Variants in CYP20A1 observed in about 807,000 individuals in gnomAD.
CYP20A1 encodes cytochrome P450 family 20 subfamily A member 1.
In CYP20A1, 61 loss-of-function variants were observed where a neutral mutation model predicts 61.4. That is an observed-to-expected ratio of 0.99 (90% confidence interval 0.81 to 1.23). The LOEUF (loss-of-function observed/expected upper bound fraction) is 1.23. Among genes scored for constraint, CYP20A1 ranks in the 50% most tolerant of loss-of-function variants. The probability of loss-of-function intolerance (pLI) is 0.00; values close to 1 mark genes in which losing one functional copy is unlikely to be tolerated. For synonymous variants in CYP20A1, 193 were observed against 188.2 expected, an observed-to-expected ratio of 1.03 and a Z score of -0.21; for missense variants, 530 against 542.4, an observed-to-expected ratio of 0.98 and a Z score of 0.23.
intron 4 of CYP20A1, among the ~76,000 whole-genome samples, chr2:203,261,971 T>TA (rs2067155318): frequency 6.6e-6 from 1 of 152,024 alleles, no homozygotes; most frequent in South Asian, 2.1e-4. Flanking sequence ...GGACATCTCT[T>TA]ACAAAAGCAT....
intron 5 of CYP20A1, among the ~76,000 whole-genome samples, chr2:203,267,697 T>G (rs2067385773): frequency 6.7e-6 from 1 of 149,040 alleles, no homozygotes; most frequent in Non-Finnish European, 1.5e-5. Context: ...TACAAAAATT[T>G]GCTGGGCGTG....
rs546229378 is a variant in CYP20A1 at position 203,300,407 on chromosome 2, A to G, written c.*3499A>G. Among the ~76,000 whole-genome samples the G allele has an allele frequency of 1.3e-5, 2 of 152,306 alleles. No individual in the cohort carries two copies. The highest frequency in any genetic ancestry group is 4.1e-4 in the South Asian group (2 of 4,826). On this transcript the variant is annotated 3_prime_UTR_variant, in exon 13 of 13. Transcript: ENST00000356079. The stretch of plus-strand genomic sequence containing the variant: ...TTCTTTGTACTTATCAAGTGACTCA[A>G]ATTTTGGCCACTTCACTGTCACTGA...
At position 203,280,300 on chromosome 2, in the gene CYP20A1, G is replaced by A. The variant is rs377097995; in HGVS notation, c.850+187G>A. ...AAAAATAAGTTAACTGAGCATGATG[G>A]CCCGTGCCTGTAGTCTCAGCTGCTC... On this transcript the variant is annotated intron_variant, in intron 8 of 12. Transcript: ENST00000356079. Among the ~76,000 whole-genome samples the A allele has an allele frequency of 2.4e-4, 36 of 152,236 alleles. No individual in the cohort carries two copies. The South Asian group carries it at 7.0e-3, about 30-fold the overall frequency.
intron 5 of CYP20A1, among the ~76,000 whole-genome samples, chr2:203,270,739 T>C (rs1044250445): frequency 1.4e-5 from 2 of 146,620 alleles, no homozygotes; most frequent in African/African-American, 5.0e-5. Flanking sequence ...TTTTTTTCTT[T>C]TTTTTTTTTT....
chr2:203,265,525 G>T (rs1321821837), intron 4 of CYP20A1, among the ~76,000 whole-genome samples: 2 of 152,010 alleles, frequency 1.3e-5, no homozygotes, highest in Non-Finnish European at 2.9e-5. Context: ...TTCATTTTCT[G>T]TGTCTTTCTT....
rs145551810 is a variant in CYP20A1, at chr2:203,296,883, G to C, written c.1364G>C (p.Trp455Ser). ...ELVTSSREEA[W>S]ITVSKRY Reference sequence around the variant, plus strand: ...GTAACATCATCAAGGGAAGAAGCTTGGATCACTGTCTCAAAGAGATATTAA... The same window carrying C: ...GTAACATCATCAAGGGAAGAAGCTTCGATCACTGTCTCAAAGAGATATTAA... The change falls in exon 13 of 13, where the codon TGG (tryptophan) becomes TCG (serine). Residue 455 changes from tryptophan to serine, a missense_variant. Physicochemically the swap from Trp to Ser is radical, Grantham distance 177. Coordinates refer to ENST00000356079, the MANE Select transcript of CYP20A1 (RefSeq NM_177538.3). 1.1e-5 allele frequency: 17 copies of C among 1,596,126 alleles called. No individual in the cohort carries two copies. Among genetic ancestry groups the C allele is most frequent in the Non-Finnish European group, 1.3e-5 (15 of 1,172,536 alleles).
chr2:203,264,453 A>T (rs1003343586), intron 4 of CYP20A1, among the ~76,000 whole-genome samples: 1 of 152,078 alleles, frequency 6.6e-6, no homozygotes, highest in Non-Finnish European at 1.5e-5. Context: ...TATTAACTCC[A>T]CTAGCTTTCT....
intron 4 of CYP20A1, among the ~76,000 whole-genome samples, chr2:203,262,752 G>C (rs2067184337): frequency 6.6e-6 from 1 of 151,084 alleles, no homozygotes; most frequent in South Asian, 2.1e-4. Context: ...GCACTGGCGC[G>C]ATCTCGGCTC....
intron 9 of CYP20A1, among the ~76,000 whole-genome samples, chr2:203,286,578 G>T (rs1017398117): frequency 2.6e-4 from 39 of 152,166 alleles, no homozygotes; most frequent in Non-Finnish European, 4.3e-4. Context: ...TTAAGGGAAA[G>T]AAGTGAAACA....
rs756085234 is a variant in CYP20A1, at chr2:203,278,669, G to A, written c.776G>A (p.Gly259Glu). Residue 259 changes from glycine to glutamate, a missense_variant, in exon 7 of 13, where the codon GGG (glycine) becomes GAG (glutamate). Transcript: ENST00000356079. ...QHIFIDSLVQGNLNDQQILED... is the reference protein window; with the variant it reads ...QHIFIDSLVQENLNDQQILED... ...ATTTTCATTGACTCCTTAGTACAAG[G>A]GAACCTTAATGACCAACAGGTGATA... 4 of 1,573,068 alleles carry A rather than the reference G, an allele frequency of 2.5e-6. No individual in the cohort carries two copies. In the African/African-American group the frequency reaches 4.1e-5, roughly 16 times the overall value.
intron 5 of CYP20A1, among the ~76,000 whole-genome samples, chr2:203,269,482 T>A (rs1009560818): frequency 1.4e-5 from 2 of 146,724 alleles, no homozygotes; most frequent in South Asian, 2.1e-4. Flanking sequence ...CATTTTATGA[T>A]TGAAATATAT....
chr2:203,246,800 G>T lies in CYP20A1; in HGVS notation c.168G>T (p.Glu56Asp), dbSNP rs778089616. 6.2e-7 allele frequency: 1 copy of T among 1,614,144 alleles called. No homozygotes were observed. The highest frequency in any genetic ancestry group is 2.2e-5 in the East Asian group (1 of 44,884). The change falls in exon 3 of 13, where the codon GAG (glutamate) becomes GAT (aspartate). Residue 56 changes from glutamate (E) to aspartate (D), a missense_variant. Coordinates refer to ENST00000356079, the MANE Select transcript of CYP20A1 (RefSeq NM_177538.3). ...TTGTGAATAGTGGAAGTTTGCATGA[G>T]TTCCTGGTTAATTTGCATGAGAGAT... ...PDIVNSGSLH[E>D]FLVNLHERYG... is the part of the protein sequence containing the mutation.
At chr2:203,277,157 G>C (rs1036329430) in intron 6 of CYP20A1, among the ~76,000 whole-genome samples, 3 of 151,650 alleles carry the variant, frequency 2.0e-5, no homozygotes, top group Non-Finnish European at 4.4e-5. Context: ...GACCATCCTG[G>C]CTAACACGGT....
chr2:203,285,951 G>A (rs968960853), intron 9 of CYP20A1, among the ~76,000 whole-genome samples: 2 of 152,158 alleles, frequency 1.3e-5, no homozygotes, highest in Non-Finnish European at 2.9e-5. Flanking sequence ...ATGAAGTCAA[G>A]CAAGTATGAC....
rs574585474 is a variant in CYP20A1, at chr2:203,292,271, C to G, written c.1093C>G (p.Leu365Val). ...TTTTTTTTTTTCACAGACCCTCGTC[C>G]TTTATGCCCTTGGTGTGGTACTTCA... is the stretch of plus-strand genomic sequence containing the variant. Reference protein sequence around the residue: ...RFIIPRETLVLYALGVVLQDP... With the variant: ...RFIIPRETLVVYALGVVLQDP... The change falls in exon 11 of 13, where the codon CTT becomes GTT. Residue 365 changes from leucine to valine, a missense_variant. Transcript: ENST00000356079. 6.2e-7 allele frequency: 1 copy of G among 1,611,964 alleles called. No individual in the cohort carries two copies. The highest frequency in any genetic ancestry group is 8.5e-7 in the Non-Finnish European group (1 of 1,178,732).
At chr2:203,245,950 A>G in intron 2 of CYP20A1, 55 bp downstream of exon 2, 5 of 1,173,772 alleles carry the variant, frequency 4.3e-6, no homozygotes, top group Non-Finnish European at 6.2e-6. Flanking sequence ...TATTGATATC[A>G]AGACTAAACC....
intron 4 of CYP20A1, among the ~76,000 whole-genome samples, chr2:203,253,223 G>C (rs149860357): frequency 3.5e-4 from 54 of 152,296 alleles, no homozygotes; most frequent in African/African-American, 1.3e-3. Flanking sequence ...TGCGGTTCCT[G>C]AAGCGCACTG....
chr2:203,269,279 A>ATTT (rs528970568), intron 5 of CYP20A1, among the ~76,000 whole-genome samples: 11 of 125,286 alleles, frequency 8.8e-5, no homozygotes, highest in Non-Finnish European at 1.3e-4. Flanking sequence ...CCTGTCTCCA[A>ATTT]TTTTTTTTTT....
intron 8 of CYP20A1, among the ~76,000 whole-genome samples, chr2:203,283,979 A>G (rs2068157744): frequency 6.6e-6 from 1 of 152,212 alleles, no homozygotes; most frequent in Admixed American, 6.5e-5. Flanking sequence ...CATATTGTAC[A>G]CTGCACAAGT....
Sources: gnomAD v4.1 joint callset for allele counts (sites outside exome capture counted in the v4.1 genomes callset) on GRCh38, gnomAD v4.1.1 for gene constraint, MANE v1.5 for transcripts, NCBI Gene and HGNC (gene_info 2026-07-23, HGNC 2026-07-21) for gene names.